The following MYO1D variants were observed in gnomAD, a reference collection of about 807,000 sequenced individuals.
The protein encoded by MYO1D is unconventional myosin-Id.
A neutral mutation model predicts 122.0 loss-of-function variants in MYO1D; 83 were observed. The observed-to-expected ratio is 0.68, with a 90% CI of 0.57 to 0.82. MYO1D has a LOEUF of 0.82. Ranked by LOEUF, MYO1D falls within the 40% of genes least tolerant of loss-of-function variation. The probability of loss-of-function intolerance (pLI) is 0.00; values close to 1 mark genes in which losing one functional copy is unlikely to be tolerated. For missense variants in MYO1D, 1,157 were observed against 1,269.5 expected, an observed-to-expected ratio of 0.91 and a Z score of 1.35; for synonymous variants, 464 against 446.9, an observed-to-expected ratio of 1.04 and a Z score of -0.48.
chr17:32,738,180 A>G (rs2089729502), intron 14 of MYO1D, 73 bp downstream of exon 14: 1 of 1,303,340 alleles, frequency 7.7e-7, no homozygotes, highest in Admixed American at 2.5e-5. Context: ...AGCAAATCAT[A>G]CATACATTCT....
chr17:32,775,054 A>T (rs2090159034), intron 4 of MYO1D, among the ~76,000 whole-genome samples: 1 of 152,208 alleles, frequency 6.6e-6, no homozygotes, highest in African/African-American at 2.4e-5. Context: ...TAATCCCAGC[A>T]CTTTGGGAGA....
intron 19 of MYO1D, among the ~76,000 whole-genome samples, chr17:32,639,363 T>TG (rs1567923149): frequency 0.15 from 19,046 of 128,178 alleles, 1,757 homozygotes; most frequent in Non-Finnish European, 0.18. Context: ...GGGAGAAATT[T>TG]TGTGTGTGTG....
At chr17:32,872,569 C>T (rs1054273330) in intron 1 of MYO1D, among the ~76,000 whole-genome samples, 3 of 151,676 alleles carry the variant, frequency 2.0e-5, no homozygotes, top group African/African-American at 7.3e-5. Flanking sequence ...CCACCGCGCC[C>T]GGCCGCAGGT....
intron 19 of MYO1D, among the ~76,000 whole-genome samples, chr17:32,647,949 C>A (rs192585814): frequency 2.6e-5 from 4 of 152,324 alleles, no homozygotes; most frequent in African/African-American, 9.6e-5. Context: ...CACGATGGCT[C>A]ATGCCTGTAA....
chr17:32,525,953 G>A (rs781109443), intron 21 of MYO1D, among the ~76,000 whole-genome samples: 2 of 152,166 alleles, frequency 1.3e-5, no homozygotes, highest in Non-Finnish European at 1.5e-5. Flanking sequence ...TGTTTGCCAC[G>A]ATGGTTTTGC....
At chr17:32,825,344 T>A (rs753768361) in intron 1 of MYO1D, among the ~76,000 whole-genome samples, 16 of 152,176 alleles carry the variant, frequency 1.1e-4, no homozygotes, top group Non-Finnish European at 1.6e-4. Flanking sequence ...TAGGCTGGAG[T>A]ACAGTGGTGT....
chr17:32,833,124 G>A (rs2090788030), intron 1 of MYO1D, among the ~76,000 whole-genome samples: 1 of 152,102 alleles, frequency 6.6e-6, no homozygotes, highest in African/African-American at 2.4e-5. Context: ...TGGATGTCTA[G>A]TGGCCACTTC....
At chr17:32,819,743 A>G (rs969301222) in intron 1 of MYO1D, among the ~76,000 whole-genome samples, 2 of 152,188 alleles carry the variant, frequency 1.3e-5, no homozygotes, top group Non-Finnish European at 2.9e-5. Flanking sequence ...ACCATTTATG[A>G]AGCTTTGAGT....
intron 21 of MYO1D, among the ~76,000 whole-genome samples, chr17:32,523,729 T>C (rs1317010641): frequency 6.9e-6 from 1 of 144,604 alleles, no homozygotes; most frequent in East Asian, 2.0e-4. Context: ...AAGTTGAGGC[T>C]GCAGTGAACG....
At chr17:32,624,913 C>G (rs2150928628) in intron 20 of MYO1D, among the ~76,000 whole-genome samples, 2 of 152,148 alleles carry the variant, frequency 1.3e-5, no homozygotes, top group South Asian at 4.1e-4. Flanking sequence ...GCCTCAGCCT[C>G]CCGAGTAGCT....
At chr17:32,720,260 A>G (rs56009922) in intron 15 of MYO1D, among the ~76,000 whole-genome samples, 3,224 of 152,238 alleles carry the variant, frequency 0.021, 129 homozygotes, top group African/African-American at 0.075. Context: ...AACATTATCA[A>G]CAATAAATTA....
At chr17:32,752,068 AC>A (rs1478789499) in intron 11 of MYO1D, among the ~76,000 whole-genome samples, 2 of 152,220 alleles carry the variant, frequency 1.3e-5, no homozygotes, top group African/African-American at 4.8e-5. Context: ...TGGCACTGTT[AC>A]AAAAATAGAC....
intron 14 of MYO1D, among the ~76,000 whole-genome samples, chr17:32,724,744 A>C (rs753102231): frequency 6.6e-6 from 1 of 152,194 alleles, no homozygotes. Flanking sequence ...AAGTAGAAGG[A>C]GGCAGTCCTT....
intron 21 of MYO1D, among the ~76,000 whole-genome samples, chr17:32,589,127 C>T (rs2087416164): frequency 6.6e-6 from 1 of 152,192 alleles, no homozygotes; most frequent in Admixed American, 6.6e-5. Context: ...GACAAATTGG[C>T]CTGCTTTAGG....
chr17:32,841,964 G>A (rs1348119337), intron 1 of MYO1D, among the ~76,000 whole-genome samples: 2 of 151,984 alleles, frequency 1.3e-5, no homozygotes, highest in Non-Finnish European at 2.9e-5. Flanking sequence ...GAGAGAGAGA[G>A]AGCAGTCTAG....
chr17:32,790,263 G>C (rs1446791351), intron 1 of MYO1D, among the ~76,000 whole-genome samples: 2 of 151,990 alleles, frequency 1.3e-5, no homozygotes, highest in Non-Finnish European at 2.9e-5. Flanking sequence ...CTTTTCAATG[G>C]GAAACTTTAA....
rs149725182 is a variant in MYO1D at position 32,571,074 on chromosome 17, G to A, written c.2864+34013C>T. Among the ~76,000 whole-genome samples the A allele has an allele frequency of 6.5e-3, 991 of 152,208 alleles. 8 individuals carry two copies. The highest frequency in any genetic ancestry group is 9.2e-3 in the Non-Finnish European group (624 of 67,998). On this transcript the variant is annotated intron_variant, in intron 21 of 21. Coordinates refer to ENST00000318217, the MANE Select transcript of MYO1D (RefSeq NM_015194.3). ...ACAAGATGGGTGGGTGGAGGGAAAA[G>A]TAAATACAAATGCACAGAAGGGCCC...
At chr17:32,571,710 C>T (rs1382721715) in intron 21 of MYO1D, among the ~76,000 whole-genome samples, 1 of 152,116 alleles carries the variant, frequency 6.6e-6, no homozygotes, top group African/African-American at 2.4e-5. Context: ...ACTCTCTCTC[C>T]CCTGTTCAAT....
intron 21 of MYO1D, among the ~76,000 whole-genome samples, chr17:32,502,867 T>C (rs1909362518): frequency 6.6e-6 from 1 of 152,174 alleles, no homozygotes; most frequent in Non-Finnish European, 1.5e-5. Flanking sequence ...CGTCTCCCTC[T>C]GAGGGTGCGC....
Sources: allele counts gnomAD v4.1 joint callset (sites outside exome capture counted in the v4.1 genomes callset), GRCh38; gene constraint gnomAD v4.1.1; transcripts MANE v1.5; gene names NCBI Gene and HGNC (gene_info 2026-07-23, HGNC 2026-07-21).